Variants in DCC observed in about 807,000 individuals in gnomAD.
DCC encodes the protein netrin receptor DCC.
A neutral mutation model predicts 172.5 loss-of-function variants in DCC; 58 were observed. The ratio of observed to expected loss-of-function variants is 0.34; its 90% CI spans 0.27 to 0.42. The LOEUF (loss-of-function observed/expected upper bound fraction) is 0.42. DCC is among the 10% of genes least tolerant of loss of function. The pLI is 1.00. For synonymous variants in DCC, 709 were observed against 644.5 expected (o/e 1.10, Z -1.52); for missense variants, 1,740 against 1,791.0 (o/e 0.97, Z 0.51).
rs1004822655 is a variant in DCC, at chr18:53,168,167, G to A, written c.1418+10655G>A. ...GGAAGACGGTGTAGCGATTCCTCAA[G>A]GATCTACAACCAGAAATACCATTTG... On this transcript the variant is annotated intron_variant, in intron 8 of 28. Coordinates refer to ENST00000442544, the MANE Select transcript of DCC (RefSeq NM_005215.4). Among the ~76,000 whole-genome samples the A allele has an allele frequency of 3.3e-5, 5 of 152,174 alleles. No individual in the cohort carries two copies. The East Asian group carries it at 5.8e-4, about 18-fold the overall frequency.
intron 12 of DCC, among the ~76,000 whole-genome samples, chr18:53,219,017 C>T (rs867564786): frequency 1.8e-4 from 27 of 152,058 alleles, no homozygotes; most frequent in African/African-American, 6.5e-4. Context: ...TTGCTTGGGT[C>T]CTTTTATTAA....
At chr18:52,489,282 G>A (rs963189408) in intron 1 of DCC, among the ~76,000 whole-genome samples, 1 of 151,924 alleles carries the variant, frequency 6.6e-6, no homozygotes, top group Admixed American at 6.6e-5. Context: ...CCAACTTTCT[G>A]GCTACATAGT....
chr18:53,047,223 C>T (rs1341488512), intron 5 of DCC, among the ~76,000 whole-genome samples: 3 of 71,484 alleles, frequency 4.2e-5, no homozygotes, highest in East Asian at 3.7e-4. Context: ...GGTGAGCCAT[C>T]CCTGCAGGTA....
chr18:52,828,124 C>T (rs888667310), intron 2 of DCC, among the ~76,000 whole-genome samples: 1 of 152,114 alleles, frequency 6.6e-6, no homozygotes, highest in Non-Finnish European at 1.5e-5. Flanking sequence ...TATACATTAT[C>T]TGTTTTAGTA....
chr18:53,216,329 C>T (rs1043851901), intron 12 of DCC, among the ~76,000 whole-genome samples: 1 of 152,172 alleles, frequency 6.6e-6, no homozygotes, highest in South Asian at 2.1e-4. Flanking sequence ...ATGCTTGGAC[C>T]TCCAGTTAGG....
chr18:53,256,519 T>C (rs1373139113), intron 12 of DCC, among the ~76,000 whole-genome samples: 4 of 152,096 alleles, frequency 2.6e-5, no homozygotes, highest in South Asian at 4.1e-4. Flanking sequence ...GATCAGATGG[T>C]TGTAATATGC....
intron 7 of DCC, among the ~76,000 whole-genome samples, chr18:53,084,818 G>T (rs1302519392): frequency 6.6e-6 from 1 of 152,208 alleles, no homozygotes. Context: ...TATAGCAGCT[G>T]TAGGAAACAA....
intron 11 of DCC, among the ~76,000 whole-genome samples, chr18:53,211,482 G>C (rs1053729026): frequency 6.6e-6 from 1 of 152,220 alleles, no homozygotes; most frequent in South Asian, 2.1e-4. Context: ...CCAGCACTGT[G>C]GGAGGCCCAG....
chr18:52,498,944 G>A (rs987750421), intron 1 of DCC, among the ~76,000 whole-genome samples: 7 of 152,140 alleles, frequency 4.6e-5, no homozygotes, highest in African/African-American at 1.7e-4. Context: ...GCTTTAATAT[G>A]TGAACTGGAG....
chr18:53,185,966 C>T (rs9951529), intron 9 of DCC, among the ~76,000 whole-genome samples: 10,183 of 152,202 alleles, frequency 0.067, 497 homozygotes, highest in African/African-American at 0.13. Flanking sequence ...AATCCATTAC[C>T]TGGAAAAATA....
At chr18:52,997,107 T>A (rs1321320807) in intron 5 of DCC, among the ~76,000 whole-genome samples, 1 of 152,108 alleles carries the variant, frequency 6.6e-6, no homozygotes, top group Non-Finnish European at 1.5e-5. Context: ...TTATTTGTTT[T>A]GCTGAACAAA....
chr18:52,665,499 T>C (rs889923023), intron 1 of DCC, among the ~76,000 whole-genome samples: 1 of 152,240 alleles, frequency 6.6e-6, no homozygotes, highest in African/African-American at 2.4e-5. Context: ...TACATTTTGC[T>C]GGTGTGTGGA....
At position 52,858,746 on chromosome 18, in the gene DCC, T is replaced by C. The variant is rs190988117; in HGVS notation, c.413-47298T>C. Among the ~76,000 whole-genome samples, 326 of 152,260 alleles carry C rather than the reference T, an allele frequency of 2.1e-3. 2 individuals are homozygous for C. Among genetic ancestry groups the C allele is most frequent in the African/African-American group, 7.5e-3 (310 of 41,554 alleles). On this transcript the variant is annotated intron_variant, in intron 2 of 28. Transcript: ENST00000442544. ...CAGTGAAGGTATAAGATGTGAGCCT[T>C]CTTGTATCCCTTCTGTGGAATGTCA...
At chr18:52,930,346 C>A (rs562633038) in intron 5 of DCC, among the ~76,000 whole-genome samples, 2 of 152,218 alleles carry the variant, frequency 1.3e-5, no homozygotes, top group South Asian at 4.1e-4. Flanking sequence ...GTAGTCCCAG[C>A]TACTCAGGAA....
In DCC at chr18:52,925,253, T is replaced by C. The variant is rs1332947405; in HGVS notation, c.868T>C (p.Leu290=). 12 of 1,612,526 alleles carry C rather than the reference T, an allele frequency of 7.4e-6. No individual in the cohort carries two copies. The highest frequency in any genetic ancestry group is 1.1e-5 in the South Asian group (1 of 91,076). ...TTGCAGGTCTAAAAAGTATTCTTTA[T>C]TGGGTGGAAGCAACTTGCTTATCTC... ...IQLRSKKYSL[L]GGSNLLISNV... The change falls in exon 5 of 29, where the codon TTG becomes CTG. Residue 290 remains leucine, a synonymous_variant. Coordinates refer to ENST00000442544, the MANE Select transcript of DCC (RefSeq NM_005215.4).
At chr18:52,438,093 C>T (rs1987854737) in intron 1 of DCC, among the ~76,000 whole-genome samples, 1 of 152,154 alleles carries the variant, frequency 6.6e-6, no homozygotes, top group African/African-American at 2.4e-5. Flanking sequence ...TGCTGCTAAC[C>T]ATTCCCAGTT....
chr18:53,023,646 C>T (rs1461561144), intron 5 of DCC, among the ~76,000 whole-genome samples: 2 of 152,088 alleles, frequency 1.3e-5, no homozygotes, highest in Non-Finnish European at 2.9e-5. Context: ...GATGCTTCTT[C>T]ATTTACTAGC....
At chr18:52,918,853 A>C (rs114404732) in intron 3 of DCC, among the ~76,000 whole-genome samples, 435 of 152,310 alleles carry the variant, frequency 2.9e-3, no homozygotes, top group African/African-American at 9.6e-3. Context: ...TTGGTATTTT[A>C]AGTTTCTGAG....
chr18:52,701,605 A>C (rs936852777), intron 1 of DCC, among the ~76,000 whole-genome samples: 2 of 152,226 alleles, frequency 1.3e-5, no homozygotes, highest in African/African-American at 4.8e-5. Context: ...ATGTCTTTTT[A>C]GACCTATCGA....
Sources: gnomAD v4.1 joint callset for allele counts (sites outside exome capture counted in the v4.1 genomes callset) on GRCh38, gnomAD v4.1.1 for gene constraint, MANE v1.5 for transcripts, NCBI Gene and HGNC (gene_info 2026-07-23, HGNC 2026-07-21) for gene names.